Variants in SLC2A9 observed in about 807,000 individuals in gnomAD.
SLC2A9 encodes solute carrier family 2 member 9, also known as solute carrier family 2, facilitated glucose transporter member 9.
SLC2A9 carries 39 observed loss-of-function variants against 50.6 expected under a neutral mutation model. That is an observed-to-expected ratio of 0.77 (90% confidence interval 0.60 to 1.01). The LOEUF is 1.01. Among genes scored for constraint, SLC2A9 ranks in the 50% least tolerant of loss-of-function variants. SLC2A9 has a pLI of 0.00. For missense variants in SLC2A9, 686 were observed against 677.6 expected (o/e 1.01, Z -0.14); for synonymous variants, 324 against 276.9 (o/e 1.17, Z -1.69).
intron 11 of SLC2A9, among the ~76,000 whole-genome samples, chr4:9,834,038 C>G (rs896306539): frequency 6.6e-6 from 1 of 152,200 alleles, no homozygotes; most frequent in African/African-American, 2.4e-5. Flanking sequence ...CTGTTTCAGT[C>G]ATATAGGCCT....
At chr4:9,999,786 G>A (rs1578264286) in intron 2 of SLC2A9, among the ~76,000 whole-genome samples, 1 of 152,166 alleles carries the variant, frequency 6.6e-6, no homozygotes, top group African/African-American at 2.4e-5. Context: ...GGATCCCTCT[G>A]GCAAGTGGAT....
At chr4:9,883,090 A>T (rs1389858778) in intron 10 of SLC2A9, among the ~76,000 whole-genome samples, 5 of 152,136 alleles carry the variant, frequency 3.3e-5, no homozygotes, top group Non-Finnish European at 7.3e-5. Context: ...AAATCTGGAC[A>T]ACTATGCATC....
upstream of SLC2A9, among the ~76,000 whole-genome samples, chr4:10,023,375 C>T (rs956449888): frequency 3.9e-5 from 6 of 152,208 alleles, no homozygotes; most frequent in South Asian, 2.1e-4. Context: ...GCATTTTCAT[C>T]ATCTCATTTA....
chr4:9,853,173 C>T (rs1467167765), intron 10 of SLC2A9, among the ~76,000 whole-genome samples: 1 of 124,432 alleles, frequency 8.0e-6, no homozygotes, highest in Non-Finnish European at 1.6e-5. Flanking sequence ...GAAACTCCCT[C>T]TCAAAAAAAA....
chr4:9,808,221 C>G (rs1722383213), intron 3 of SLC2A9, among the ~76,000 whole-genome samples: 1 of 152,210 alleles, frequency 6.6e-6, no homozygotes, highest in African/African-American at 2.4e-5. Flanking sequence ...ACTGGCCAGG[C>G]CTCTTCTCAG....
intron 7 of SLC2A9, 34 bp downstream of exon 7, chr4:9,920,351 C>A: frequency 1.2e-6 from 2 of 1,611,898 alleles, no homozygotes; most frequent in South Asian, 2.2e-5. Context: ...TCCCTCCAGT[C>A]ATGCAAGGAT....
At position 9,925,273 on chromosome 4, in the gene SLC2A9, GCCCC is replaced by G. The variant is rs1560315010; in HGVS notation, c.815-4705_815-4702del. 9.9e-5 allele frequency among the ~76,000 whole-genome samples: 15 copies of G among 152,272 alleles called. No homozygotes were observed. In the South Asian group the frequency reaches 3.1e-3, roughly 32 times the overall value. On this transcript the variant is annotated intron_variant, in intron 6 of 11. Transcript: ENST00000264784. Reference sequence around the variant, plus strand: ...GTTACATCTTTTGGAGACCTTCCCTGCCCCCATGATGGCTAATCACTGTTACCCT... The same window carrying G: ...GTTACATCTTTTGGAGACCTTCCCTGCATGATGGCTAATCACTGTTACCCT...
chr4:9,890,857 A>G (rs547715393), intron 8 of SLC2A9, 146 bp from the exon 9 acceptor site: 61 of 708,678 alleles, frequency 8.6e-5, no homozygotes, highest in Admixed American at 7.2e-4. Flanking sequence ...TTATGGCCAC[A>G]GCCCTGAAGC....
chr4:10,019,834 G>A (rs1203133588), intron 1 of SLC2A9, among the ~76,000 whole-genome samples: 1 of 152,240 alleles, frequency 6.6e-6, no homozygotes, highest in Non-Finnish European at 1.5e-5. Flanking sequence ...GTGTTGTCCT[G>A]CCCTGCAGCC....
intron 2 of SLC2A9, chr4:10,006,702 G>A (rs914502940): frequency 3.9e-5 from 6 of 152,052 alleles, no homozygotes; most frequent in Non-Finnish European, 8.8e-5. Context: ...GGTAAGTCCC[G>A]GGCTTGCATC....
chr4:9,845,677 G>A (rs899032713), intron 10 of SLC2A9, among the ~76,000 whole-genome samples: 2 of 151,728 alleles, frequency 1.3e-5, no homozygotes, highest in Admixed American at 6.6e-5. Flanking sequence ...TGATCCGCCC[G>A]CCTCGGCCTC....
intron 10 of SLC2A9, among the ~76,000 whole-genome samples, chr4:9,883,076 T>G (rs1366452512): frequency 6.6e-6 from 1 of 152,128 alleles, no homozygotes. Flanking sequence ...AGCCCTCATA[T>G]GTTAAATCTG....
chr4:9,810,512 T>C (rs1371985312), intron 3 of SLC2A9, among the ~76,000 whole-genome samples: 3 of 152,216 alleles, frequency 2.0e-5, no homozygotes, highest in Non-Finnish European at 4.4e-5. Flanking sequence ...TATCTGATAA[T>C]TAGTTGGACT....
chr4:9,854,284 G>T lies in SLC2A9; in HGVS notation c.1292-19276C>A, dbSNP rs185957314. ...GAGAGAAAATTCAAATACACAATCA[G>T]AAGTGACAAAGAGACATTATCACTG... On this transcript the variant is annotated intron_variant, in intron 10 of 11. Transcript: ENST00000264784. Among the ~76,000 whole-genome samples the T allele has an allele frequency of 5.7e-4, 87 of 152,102 alleles. 1 individual carries two copies. In the East Asian group the frequency reaches 0.013, roughly 23 times the overall value.
chr4:9,957,180 GACATACCAGA>G (rs1296711202), intron 5 of SLC2A9, among the ~76,000 whole-genome samples: 2 of 151,864 alleles, frequency 1.3e-5, no homozygotes, highest in Admixed American at 1.3e-4. Context: ...TCCAGGCTTG[GACATACCAGA>G]TACAGCAGCA....
At chr4:9,815,413 T>C (rs543146212) in intron 3 of SLC2A9, among the ~76,000 whole-genome samples, 2 of 152,352 alleles carry the variant, frequency 1.3e-5, no homozygotes, top group African/African-American at 4.8e-5. Flanking sequence ...GAAACCCAAG[T>C]AAGAGTAGCT....
At chr4:9,857,693 A>C (rs751856905) in intron 10 of SLC2A9, among the ~76,000 whole-genome samples, 32 of 152,228 alleles carry the variant, frequency 2.1e-4, no homozygotes, top group Admixed American at 2.6e-4. Context: ...ATCACACTGC[A>C]GGTGCCCACA....
chr4:10,026,725 T>C (rs1763765060), intron 1 of SLC2A9, among the ~76,000 whole-genome samples: 1 of 152,182 alleles, frequency 6.6e-6, no homozygotes, highest in African/African-American at 2.4e-5. Flanking sequence ...TGAATGCACC[T>C]TGAAAACATT....
chr4:9,794,175 T>C (rs1326682354), downstream of SLC2A9, among the ~76,000 whole-genome samples: 1 of 149,478 alleles, frequency 6.7e-6, no homozygotes, highest in Non-Finnish European at 1.5e-5. Context: ...TGATATGGAG[T>C]TTCACTCTTG....
Sources: allele counts gnomAD v4.1 joint callset (sites outside exome capture counted in the v4.1 genomes callset), GRCh38; gene constraint gnomAD v4.1.1; transcripts MANE v1.5; gene names NCBI Gene and HGNC (gene_info 2026-07-23, HGNC 2026-07-21).